The following RPAP2 variants were observed in gnomAD, a reference collection of about 807,000 sequenced individuals.
RPAP2 encodes the protein putative RNA polymerase II subunit B1 CTD phosphatase RPAP2.
RPAP2 carries 52 observed loss-of-function variants against 73.1 expected under a neutral mutation model. The observed-to-expected ratio is 0.71, with a 90% CI of 0.57 to 0.90. The LOEUF (loss-of-function observed/expected upper bound fraction) is 0.90, where lower values mean the gene tolerates loss of function less well. Ranked by LOEUF, RPAP2 falls within the 40% of genes least tolerant of loss-of-function variation. RPAP2 has a pLI of 0.00. For missense variants in RPAP2, 598 were observed against 701.8 expected, an observed-to-expected ratio of 0.85 and a Z score of 1.67; for synonymous variants, 225 against 242.1, an observed-to-expected ratio of 0.93 and a Z score of 0.65.
intron 3 of RPAP2, 139 bp downstream of exon 3, chr1:92,301,729 G>A (rs961383738): frequency 6.1e-5 from 26 of 423,826 alleles, no homozygotes; most frequent in Non-Finnish European, 1.1e-4. Context: ...TATAATTCAT[G>A]CATTTAAAAA....
chr1:92,377,616 G>A (rs774399368), intron 11 of RPAP2, among the ~76,000 whole-genome samples: 1 of 151,226 alleles, frequency 6.6e-6, no homozygotes, highest in Non-Finnish European at 1.5e-5. Flanking sequence ...TCAAGAGCCA[G>A]CCCTGAACAG....
At chr1:92,345,971 G>T in intron 11 of RPAP2, 57 bp downstream of exon 11, 1 of 1,225,014 alleles carries the variant, frequency 8.2e-7, no homozygotes. Flanking sequence ...TATTGATTAG[G>T]GAAAAACAAA....
intron 10 of RPAP2, 90 bp from the exon 11 acceptor site, chr1:92,345,756 C>A: frequency 1.3e-6 from 1 of 790,090 alleles, no homozygotes. Flanking sequence ...GCTTCTTTGG[C>A]ACATTATTAT....
intron 8 of RPAP2, among the ~76,000 whole-genome samples, chr1:92,328,551 T>C (rs1463251489): frequency 6.6e-6 from 1 of 152,206 alleles, no homozygotes; most frequent in African/African-American, 2.4e-5. Context: ...ATTCATATCC[T>C]GTATGATTTG....
intron 11 of RPAP2, among the ~76,000 whole-genome samples, chr1:92,350,851 G>A (rs1261617773): frequency 6.6e-6 from 1 of 152,096 alleles, no homozygotes; most frequent in East Asian, 1.9e-4. Flanking sequence ...AAAATCACTT[G>A]AACCCAGGAG....
In RPAP2 at chr1:92,357,344, G is replaced by T. The variant is rs1040786158; in HGVS notation, c.1688+11430G>T. Among the ~76,000 whole-genome samples, 4 of 152,152 alleles carry T rather than the reference G, an allele frequency of 2.6e-5. No homozygotes were observed. The South Asian group carries it at 8.3e-4, about 32-fold the overall frequency. On this transcript the variant is annotated intron_variant, in intron 11 of 12. Transcript: ENST00000610020. ...ATTGTTGGGATTCATAGAAGTAAAA[G>T]ATTTCAATTGGGAGGTTATAACAGA...
At chr1:92,307,087 A>G (rs551838005) in intron 5 of RPAP2, 101 bp from the exon 6 acceptor site, 2 of 815,922 alleles carry the variant, frequency 2.5e-6, no homozygotes, top group East Asian at 2.8e-5. Flanking sequence ...GTAGGTTTCC[A>G]TTTTATTCTT....
chr1:92,362,160 G>T (rs1008985626), intron 11 of RPAP2, among the ~76,000 whole-genome samples: 4 of 152,166 alleles, frequency 2.6e-5, no homozygotes, highest in African/African-American at 4.8e-5. Context: ...TTATTCCCAG[G>T]TGTATTAAGA....
At chr1:92,313,070 T>C (rs968046557) in intron 6 of RPAP2, among the ~76,000 whole-genome samples, 1 of 152,218 alleles carries the variant, frequency 6.6e-6, no homozygotes, top group African/African-American at 2.4e-5. Flanking sequence ...TTTTGCCATG[T>C]TGGCCAGGCT....
rs1331164214 is a variant in RPAP2 at position 92,340,214 on chromosome 1, T to TA, written c.1619+3792dup. 1.3e-5 allele frequency among the ~76,000 whole-genome samples: 2 copies of TA among 152,212 alleles called. 1 individual carries two copies. Among genetic ancestry groups the TA allele is most frequent in the African/African-American group, 4.8e-5 (2 of 41,454 alleles). ...TGTAAGTCAAAGTCTGTAGCTTTGA[T>TA]AAAAATTGCTTAAATTGGCTTCACT... On this transcript the variant is annotated intron_variant, in intron 10 of 12. Coordinates refer to ENST00000610020, the MANE Select transcript of RPAP2 (RefSeq NM_024813.3).
chr1:92,331,489 T>C (rs1232531750), intron 8 of RPAP2, among the ~76,000 whole-genome samples: 1 of 152,192 alleles, frequency 6.6e-6, no homozygotes, highest in African/African-American at 2.4e-5. Context: ...TTTTATATAC[T>C]CTTTTACTGA....
chr1:92,304,568 A>G lies in RPAP2; in HGVS notation c.399+219A>G, dbSNP rs192848386. 4.6e-3 allele frequency among the ~76,000 whole-genome samples: 694 copies of G among 152,324 alleles called. 4 individuals carry two copies. The highest frequency in any genetic ancestry group is 7.3e-3 in the Non-Finnish European group (498 of 68,014). Reference sequence around the variant, plus strand: ...TTTTTTTGCTTAAGCTTCAATTAAGACTTGAACATTTAAAAGTGCATATTG... The same window carrying G: ...TTTTTTTGCTTAAGCTTCAATTAAGGCTTGAACATTTAAAAGTGCATATTG... On this transcript the variant is annotated intron_variant, in intron 5 of 12. Transcript: ENST00000610020.
intron 10 of RPAP2, among the ~76,000 whole-genome samples, chr1:92,345,305 A>G (rs1441234862): frequency 1.3e-5 from 2 of 150,964 alleles, no homozygotes; most frequent in Admixed American, 6.6e-5. Context: ...ATTCAAGGCT[A>G]CAGTGCACCA....
In RPAP2 at chr1:92,389,556, C is replaced by G. The variant is rs1039850598; in HGVS notation, c.*2545C>G. The G allele has an allele frequency of 6.6e-6, 1 of 152,134 alleles. No individual in the cohort carries two copies. The allele number at this position is 152,134 out of a possible 1,614,324, so 9.4% of individuals were successfully genotyped here. Reference sequence around the variant, plus strand: ...ACAGAGAATGAGTTTGACAAGTTGACAGAAGTAGGCTTCAGAAGGTCGGTA... The same window carrying G: ...ACAGAGAATGAGTTTGACAAGTTGAGAGAAGTAGGCTTCAGAAGGTCGGTA... On this transcript the variant is annotated 3_prime_UTR_variant, in exon 13 of 13. Coordinates refer to ENST00000610020, the MANE Select transcript of RPAP2 (RefSeq NM_024813.3).
In RPAP2 at chr1:92,324,216, G is replaced by C; in HGVS notation, c.1296G>C (p.Glu432Asp). The change falls in exon 8 of 13, where the codon GAG (glutamate) becomes GAC (aspartate). Residue 432 changes from glutamate to aspartate, a missense_variant. Physicochemically the swap from Glu to Asp is conservative, Grantham distance 45 (BLOSUM62 2). This residue lies in a region of RPAP2 where 506 missense variants were observed against 612.8 expected (regional missense o/e 0.83). Coordinates refer to ENST00000610020, the MANE Select transcript of RPAP2 (RefSeq NM_024813.3). ...AWRESQNSLD[E>D]SLPFRGSGTA... Reference sequence around the variant, plus strand: ...GGGAATCTCAGAACAGCTTGGATGAGTCTTTACCTTTTAGGGGCTCAGGTA... The same window carrying C: ...GGGAATCTCAGAACAGCTTGGATGACTCTTTACCTTTTAGGGGCTCAGGTA... 1 of 1,614,134 alleles carries C rather than the reference G, an allele frequency of 6.2e-7. No individual in the cohort carries two copies. The highest frequency in any genetic ancestry group is 1.6e-4 in the Middle Eastern group (1 of 6,062).
intron 6 of RPAP2, among the ~76,000 whole-genome samples, chr1:92,308,665 A>G: frequency 6.6e-6 from 1 of 152,186 alleles, no homozygotes; most frequent in African/African-American, 2.4e-5. Context: ...AGCTAATTTA[A>G]AACAAATCTT....
intron 6 of RPAP2, among the ~76,000 whole-genome samples, chr1:92,315,496 T>G (rs1191078592): frequency 6.6e-6 from 1 of 152,158 alleles, no homozygotes; most frequent in Non-Finnish European, 1.5e-5. Flanking sequence ...AACATTCAAT[T>G]TGTAAAAAAT....
At chr1:92,378,818 A>G (rs75956504) in intron 11 of RPAP2, among the ~76,000 whole-genome samples, 2,076 of 152,300 alleles carry the variant, frequency 0.014, 48 homozygotes, top group African/African-American at 0.046. Context: ...GGGTAGTCCT[A>G]TTTCTCAGTA....
At chr1:92,319,372 G>A (rs1039167590) in intron 6 of RPAP2, among the ~76,000 whole-genome samples, 3 of 152,186 alleles carry the variant, frequency 2.0e-5, no homozygotes, top group African/African-American at 7.2e-5. Context: ...TCTGTACTCA[G>A]TTTCCTTATC....
Sources: allele counts gnomAD v4.1 joint callset (sites outside exome capture counted in the v4.1 genomes callset), GRCh38; gene constraint gnomAD v4.1.1; regional missense constraint gnomAD v4.1.1; transcripts MANE v1.5; gene names NCBI Gene and HGNC (gene_info 2026-07-23, HGNC 2026-07-21).